ABCA13: variants seen among roughly 807,000 people sequenced by gnomAD.
ABCA13 encodes ATP-binding cassette sub-family A member 13.
In ABCA13, 476 loss-of-function variants were observed where a neutral mutation model predicts 478.7. That is an observed-to-expected ratio of 0.99 (90% CI 0.92 to 1.07). The LOEUF is 1.07. Among genes scored for constraint, ABCA13 ranks in the 50% least tolerant of loss-of-function variants. The pLI is 0.00. For synonymous variants in ABCA13, 2,252 were observed against 2,158.9 expected, an observed-to-expected ratio of 1.04 and a Z score of -1.20; for missense variants, 6,060 against 5,910.6, an observed-to-expected ratio of 1.03 and a Z score of -0.83.
At chr7:48,299,786 T>C (rs1799894865) in intron 23 of ABCA13, among the ~76,000 whole-genome samples, 1 of 152,168 alleles carries the variant, frequency 6.6e-6, no homozygotes, top group Non-Finnish European at 1.5e-5. Flanking sequence ...TCACTGCTGT[T>C]CTATTATGGG....
chr7:48,339,612 G>A (rs1806804938), intron 29 of ABCA13, among the ~76,000 whole-genome samples: 1 of 152,204 alleles, frequency 6.6e-6, no homozygotes, highest in South Asian at 2.1e-4. Context: ...TTTCCCACAT[G>A]TAAACTTCTA....
At chr7:48,294,867 T>A (rs2128827572) in intron 20 of ABCA13, among the ~76,000 whole-genome samples, 1 of 152,368 alleles carries the variant, frequency 6.6e-6, no homozygotes, top group East Asian at 1.9e-4. Flanking sequence ...TCCATGTTGC[T>A]GCCAGTGGCA....
intron 51 of ABCA13, among the ~76,000 whole-genome samples, chr7:48,514,800 ATC>A (rs971049354): frequency 6.6e-6 from 1 of 152,190 alleles, no homozygotes; most frequent in Middle Eastern, 3.2e-3. Context: ...GTCATGACTT[ATC>A]TCTCTGGTAA....
At chr7:48,565,836 C>G (rs1435983603) in intron 55 of ABCA13, among the ~76,000 whole-genome samples, 1 of 152,096 alleles carries the variant, frequency 6.6e-6, no homozygotes, top group Non-Finnish European at 1.5e-5. Flanking sequence ...CTTCTCCTAA[C>G]AAACACATGG....
At chr7:48,641,518 C>T (rs1025363553) in intron 59 of ABCA13, among the ~76,000 whole-genome samples, 4 of 152,320 alleles carry the variant, frequency 2.6e-5, no homozygotes, top group African/African-American at 7.2e-5. Context: ...TATAATTAAT[C>T]TATTTGCTAG....
intron 58 of ABCA13, among the ~76,000 whole-genome samples, chr7:48,601,659 T>G (rs1158458979): frequency 6.6e-6 from 1 of 152,226 alleles, no homozygotes; most frequent in East Asian, 1.9e-4. Flanking sequence ...TCTTTGCTTT[T>G]GTGAACAGTT....
intron 55 of ABCA13, among the ~76,000 whole-genome samples, chr7:48,571,767 T>G (rs545177139): frequency 6.6e-5 from 10 of 152,358 alleles, no homozygotes; most frequent in African/African-American, 2.4e-4. Flanking sequence ...CTTTATAACT[T>G]TCTTTTTCTT....
rs749610273 is a variant in ABCA13 at position 48,550,265 on chromosome 7, C to CTTTCTTTTTT, written c.14354+21923_14354+21924insCTTTTTTTTT. Among the ~76,000 whole-genome samples the CTTTCTTTTTT allele has an allele frequency of 6.0e-3, 890 of 148,400 alleles. 12 individuals are homozygous for CTTTCTTTTTT. The highest frequency in any genetic ancestry group is 0.021 in the African/African-American group (850 of 40,350). On this transcript the variant is annotated intron_variant, in intron 55 of 61. Coordinates refer to ENST00000435803, the MANE Select transcript of ABCA13 (RefSeq NM_152701.5). ...CAAACTCTTTGAAGTCTCTATTTTT[C>CTTTCTTTTTT]TTTTTTTTGGAAATGGAGTCTCGCT...
chr7:48,250,215 A>G (rs776926432), intron 15 of ABCA13, among the ~76,000 whole-genome samples: 34 of 152,198 alleles, frequency 2.2e-4, no homozygotes, highest in Non-Finnish European at 8.8e-5. Flanking sequence ...CTCCAGGCCT[A>G]TCACCCTCCC....
intron 48 of ABCA13, among the ~76,000 whole-genome samples, chr7:48,503,041 G>A: frequency 6.6e-6 from 1 of 152,124 alleles, no homozygotes; most frequent in Non-Finnish European, 1.5e-5. Flanking sequence ...TAGTTGCCAT[G>A]CTATACATTA....
At chr7:48,301,207 G>C (rs1455379164) in intron 23 of ABCA13, among the ~76,000 whole-genome samples, 1 of 151,910 alleles carries the variant, frequency 6.6e-6, no homozygotes, top group South Asian at 2.1e-4. Context: ...CTTCTGGGAG[G>C]CTCCTTCAAA....
intron 38 of ABCA13, among the ~76,000 whole-genome samples, chr7:48,403,111 A>C (rs1489539611): frequency 6.6e-6 from 1 of 152,214 alleles, no homozygotes; most frequent in Non-Finnish European, 1.5e-5. Context: ...CTAAGACTGA[A>C]AGATCCCTGC....
At chr7:48,399,672 A>G (rs997441655) in intron 38 of ABCA13, among the ~76,000 whole-genome samples, 1 of 152,194 alleles carries the variant, frequency 6.6e-6, no homozygotes, top group Non-Finnish European at 1.5e-5. Flanking sequence ...TAATGATAAG[A>G]GTAGAGCTGA....
intron 8 of ABCA13, among the ~76,000 whole-genome samples, chr7:48,234,858 A>C (rs1789709665): frequency 6.6e-6 from 1 of 152,162 alleles, no homozygotes; most frequent in Non-Finnish European, 1.5e-5. Context: ...CTCCTAGGTC[A>C]GTGTTGAGTT....
At chr7:48,306,275 G>T (rs550711371) in intron 23 of ABCA13, among the ~76,000 whole-genome samples, 1 of 152,230 alleles carries the variant, frequency 6.6e-6, no homozygotes, top group African/African-American at 2.4e-5. Flanking sequence ...TTTTGTCCTG[G>T]GACTAGACTC....
rs193013176 is a variant in ABCA13, at chr7:48,500,033, G to T, written c.13292-6303G>T. On this transcript the variant is annotated intron_variant, in intron 48 of 61. Coordinates refer to ENST00000435803, the MANE Select transcript of ABCA13 (RefSeq NM_152701.5). ...TCAGACTGGTATCCAGAAAATCAGGGTTGTAGTTCTCACTCTGGTACCAAT... is the reference window on the plus strand; with the variant it reads ...TCAGACTGGTATCCAGAAAATCAGGTTTGTAGTTCTCACTCTGGTACCAAT... Among the ~76,000 whole-genome samples the T allele has an allele frequency of 2.4e-4, 36 of 152,260 alleles. No individual in the cohort carries two copies. In the East Asian group the frequency reaches 6.6e-3, roughly 28 times the overall value.
chr7:48,333,655 G>T (rs1364003212), intron 27 of ABCA13, among the ~76,000 whole-genome samples: 1 of 152,156 alleles, frequency 6.6e-6, no homozygotes, highest in Admixed American at 6.5e-5. Flanking sequence ...GTTCCAATAA[G>T]AGTTTAATTT....
intron 54 of ABCA13, among the ~76,000 whole-genome samples, chr7:48,527,120 T>A (rs1013211796): frequency 3.9e-5 from 6 of 152,090 alleles, no homozygotes; most frequent in African/African-American, 1.2e-4. Context: ...GAGAGCTTTA[T>A]TAAAAATGTG....
In ABCA13 at chr7:48,516,872, C is replaced by T. The variant is rs753158949; in HGVS notation, c.13788C>T (p.Ser4596=). Residue 4596 remains serine, a synonymous_variant, in exon 52 of 62, where the codon TCC becomes TCT. Transcript: ENST00000435803. The part of the protein sequence containing the change: ...TIMPRLLAII[S]KAKNLQNIYD... ...TGCCCCGGTTGCTAGCCATCATCTCCAAAGCTAAGGTCAGTAGCTTTGTAG... is the reference window on the plus strand; with the variant it reads ...TGCCCCGGTTGCTAGCCATCATCTCTAAAGCTAAGGTCAGTAGCTTTGTAG... The T allele has an allele frequency of 6.2e-7, 1 of 1,613,624 alleles. No individual in the cohort carries two copies. Among genetic ancestry groups the T allele is most frequent in the East Asian group, 2.2e-5 (1 of 44,834 alleles).
Sources: allele counts gnomAD v4.1 joint callset (sites outside exome capture counted in the v4.1 genomes callset), GRCh38; gene constraint gnomAD v4.1.1; transcripts MANE v1.5; gene names NCBI Gene and HGNC (gene_info 2026-07-23, HGNC 2026-07-21).